The following XG variants were observed in gnomAD, a reference collection of about 807,000 sequenced individuals.
XG encodes the protein Xg glycoprotein (Xg blood group), also known as glycoprotein Xg.
A neutral mutation model predicts 25.7 loss-of-function variants in XG; 24 were observed. The observed-to-expected ratio is 0.93, with a 90% CI of 0.68 to 1.31. The LOEUF (loss-of-function observed/expected upper bound fraction) is 1.31. Ranked by LOEUF, XG falls within the 40% of genes most tolerant of loss-of-function variation. The pLI is 0.00. For synonymous variants in XG, 77 were observed against 69.2 expected (o/e 1.11, Z -0.56); for missense variants, 181 against 187.6 (o/e 0.96, Z 0.21).
At chrX:2,760,579 C>CA (rs1164434566) in intron 1 of XG, among the ~76,000 whole-genome samples, 22,115 of 116,740 alleles carry the variant, frequency 0.19, 1,910 homozygotes, top group Middle Eastern at 0.27. Context: ...ACTAAAAATA[C>CA]AAAAAAAAAA....
intron 9 of XG, among the ~76,000 whole-genome samples, chrX:2,809,439 G>A (rs2087033796): frequency 1.8e-5 from 2 of 111,807 alleles, no homozygotes; most frequent in Admixed American, 9.5e-5. Context: ...ATGATGACAG[G>A]CTGAATTAAA....
intron 9 of XG, among the ~76,000 whole-genome samples, chrX:2,809,410 A>G (rs2087033671): frequency 1.8e-5 from 2 of 111,749 alleles, no homozygotes; most frequent in African/African-American, 6.5e-5. Context: ...CTTTCAGACC[A>G]GTTCAGTACT....
At chrX:2,761,978 C>A (rs1021542216) in intron 1 of XG, among the ~76,000 whole-genome samples, 5 of 152,154 alleles carry the variant, frequency 3.3e-5, no homozygotes, top group African/African-American at 7.2e-5. Flanking sequence ...GATCTGCAGC[C>A]TTGACATCCC....
intron 1 of XG, among the ~76,000 whole-genome samples, chrX:2,759,620 A>G (rs1460941954): frequency 2.6e-5 from 4 of 152,196 alleles, no homozygotes; most frequent in East Asian, 3.8e-4. Flanking sequence ...TTGGCACCTG[A>G]GTGTGAAGAC....
chrX:2,766,838 T>G (rs1218728408), intron 1 of XG, among the ~76,000 whole-genome samples: 9 of 152,256 alleles, frequency 5.9e-5, no homozygotes, highest in Admixed American at 4.6e-4. Flanking sequence ...GTGCTGGGAT[T>G]ACAGGTGTGA....
rs756993134 is a variant in XG, at chrX:2,782,671, A to G, written c.190+543A>G. 1.1e-4 allele frequency among the ~76,000 whole-genome samples: 12 copies of G among 111,030 alleles called. No individual in the cohort carries two copies. The Middle Eastern group carries it at 0.014, about 127-fold the overall frequency. ...CTGGTTGAGCCAGATTACCGGGCTG[A>G]GTGGTGTCAGCTGATCCATCCAGTG... On this transcript the variant is annotated intron_variant, in intron 4 of 10. Coordinates refer to ENST00000644266, the MANE Select transcript of XG (RefSeq NM_001141919.2).
chrX:2,764,902 G>A (rs1282807140), intron 1 of XG, among the ~76,000 whole-genome samples: 2 of 150,844 alleles, frequency 1.3e-5, no homozygotes, highest in African/African-American at 4.9e-5. Context: ...TTACCTGGGC[G>A]TAGTGGCATG....
rs901714368 is a variant in XG, at chrX:2,775,022, G to T, written c.127+283G>T. On this transcript the variant is annotated intron_variant, in intron 3 of 10. Transcript: ENST00000644266. ...AAACTGGAATGTTTGTACAGTGCTG[G>T]TGGGAGTCTAAAATGGTACAGCCAC... 5.0e-5 allele frequency: 23 copies of T among 456,798 alleles called. No homozygotes were observed. In the Admixed American group the frequency reaches 7.0e-4, roughly 14 times the overall value. The allele number at this position is 456,798 out of a possible 1,614,324, so 28.3% of individuals were successfully genotyped here.
intron 2 of XG, among the ~76,000 whole-genome samples, chrX:2,773,496 AAG>A (rs1310211762): frequency 3.7e-4 from 52 of 141,692 alleles, no homozygotes; most frequent in African/African-American, 1.3e-3. Flanking sequence ...GGAAGGAAGG[AAG>A]GAGAGAAGGA....
intron 4 of XG, among the ~76,000 whole-genome samples, chrX:2,786,741 G>A (rs762636146): frequency 1.4e-4 from 16 of 111,377 alleles, no homozygotes; most frequent in Non-Finnish European, 3.0e-4. Context: ...TGTAAAATGA[G>A]GTCACTAGGG....
chrX:2,778,957 T>A (rs901104567), intron 3 of XG, among the ~76,000 whole-genome samples: 3 of 151,788 alleles, frequency 2.0e-5, no homozygotes, highest in African/African-American at 7.3e-5. Flanking sequence ...AGAGACGGGG[T>A]TTCACCAAGT....
At chrX:2,780,658 C>G (rs1301572789) in intron 3 of XG, among the ~76,000 whole-genome samples, 1 of 150,980 alleles carries the variant, frequency 6.6e-6, no homozygotes, top group African/African-American at 2.4e-5. Context: ...GCGGAGGTTG[C>G]AGGGAGCGGA....
intron 6 of XG, among the ~76,000 whole-genome samples, chrX:2,795,063 T>G (rs1434954521): frequency 3.6e-5 from 4 of 110,388 alleles, no homozygotes; most frequent in Non-Finnish European, 7.6e-5. Flanking sequence ...TTTTTTCATG[T>G]GTGTATATAC....
intron 1 of XG, among the ~76,000 whole-genome samples, chrX:2,761,698 A>G (rs2050568965): frequency 6.6e-6 from 1 of 150,824 alleles, no homozygotes; most frequent in African/African-American, 2.4e-5. Flanking sequence ...CCTGAAATGG[A>G]CTAAGACACC....
intron 7 of XG, among the ~76,000 whole-genome samples, chrX:2,799,285 CTT>C (rs1468607174): frequency 9.0e-6 from 1 of 111,303 alleles, no homozygotes; most frequent in Non-Finnish European, 1.9e-5. Flanking sequence ...GTGTTCCCTT[CTT>C]TGTGTCCATG....
intron 5 of XG, among the ~76,000 whole-genome samples, chrX:2,791,926 T>G (rs1051060279): frequency 9.0e-6 from 1 of 110,814 alleles, no homozygotes; most frequent in Non-Finnish European, 1.9e-5. Flanking sequence ...GGTCTTGTGA[T>G]TCATAGCATT....
At chrX:2,807,675 C>T (rs766772747) in intron 8 of XG, among the ~76,000 whole-genome samples, 6 of 112,122 alleles carry the variant, frequency 5.4e-5, no homozygotes, top group African/African-American at 1.9e-4. Flanking sequence ...CATTGTGCTT[C>T]TGTGTTGCAT....
At chrX:2,807,304 G>A (rs974297164) in intron 8 of XG, among the ~76,000 whole-genome samples, 3 of 113,396 alleles carry the variant, frequency 2.6e-5, no homozygotes, top group African/African-American at 9.6e-5. Flanking sequence ...GCAAGCACAT[G>A]TGTGCATGTG....
intron 4 of XG, among the ~76,000 whole-genome samples, chrX:2,785,290 A>T (rs1263887870): frequency 2.7e-5 from 3 of 111,710 alleles, no homozygotes; most frequent in Non-Finnish European, 5.6e-5. Flanking sequence ...TCAGACATGC[A>T]TTTGTCTCAG....
Sources: allele counts gnomAD v4.1 joint callset (sites outside exome capture counted in the v4.1 genomes callset), GRCh38; gene constraint gnomAD v4.1.1; transcripts MANE v1.5; gene names NCBI Gene and HGNC (gene_info 2026-07-23, HGNC 2026-07-21).